Variants in CCDC7 observed in about 807,000 individuals in gnomAD.
The protein encoded by CCDC7 is coiled-coil domain-containing protein 7.
A neutral mutation model predicts 196.9 loss-of-function variants in CCDC7; 183 were observed. The observed-to-expected ratio is 0.93, with a 90% CI of 0.82 to 1.05. The LOEUF (loss-of-function observed/expected upper bound fraction) is 1.05. Among genes scored for constraint, CCDC7 ranks in the 50% least tolerant of loss-of-function variants. The pLI, the probability that CCDC7 is intolerant of heterozygous loss-of-function variation, is 0.00. For synonymous variants in CCDC7, 525 were observed against 484.6 expected, an observed-to-expected ratio of 1.08 and a Z score of -1.10; for missense variants, 1,540 against 1,482.2, an observed-to-expected ratio of 1.04 and a Z score of -0.64.
intron 24 of CCDC7, among the ~76,000 whole-genome samples, chr10:32,697,648 G>A (rs1229306915): frequency 6.6e-6 from 1 of 152,182 alleles, no homozygotes; most frequent in Non-Finnish European, 1.5e-5. Flanking sequence ...GCTGAGGCTT[G>A]ACTAGGTAAA....
At chr10:32,840,712 A>G (rs963784223) in intron 33 of CCDC7, among the ~76,000 whole-genome samples, 1 of 151,922 alleles carries the variant, frequency 6.6e-6, no homozygotes, top group Admixed American at 6.6e-5. Context: ...AAAGAAAACT[A>G]CAGACCAATA....
chr10:32,804,930 T>TAC lies in CCDC7; in HGVS notation c.3014-64_3014-63dup, dbSNP rs35054696. 2,219 of 630,904 alleles carry TAC rather than the reference T, an allele frequency of 3.5e-3. 15 individuals carry two copies. Among genetic ancestry groups the TAC allele is most frequent in the African/African-American group, 0.026 (1,433 of 54,146 alleles). 39.1% of individuals were successfully genotyped at this position (630,904 alleles called of 1,614,324 possible). A position where few individuals can be genotyped will look rare whatever the true frequency, so the allele number is the denominator to read the frequency against. ...TAATAACAAAGGCTGATTAATTTAA[T>TAC]ACACACACACACACACACACACCCC... On this transcript the variant is annotated intron_variant, in intron 29 of 41. Transcript: ENST00000639629.
At chr10:32,610,375 A>G (rs1258103473) in intron 18 of CCDC7, among the ~76,000 whole-genome samples, 16 of 152,146 alleles carry the variant, frequency 1.1e-4, no homozygotes. Context: ...AAGTGCTGGG[A>G]TTACAGGCGT....
chr10:32,544,350 CT>C (rs1448850706), intron 13 of CCDC7, 49 bp downstream of exon 14: 1 of 1,553,754 alleles, frequency 6.4e-7, no homozygotes, highest in East Asian at 2.3e-5. Context: ...AATACTTGCT[CT>C]GATAGTCATA....
At chr10:32,817,474 G>A (rs2088988328) in intron 31 of CCDC7, among the ~76,000 whole-genome samples, 1 of 152,076 alleles carries the variant, frequency 6.6e-6, no homozygotes. Flanking sequence ...TCAAATTCAG[G>A]AAATACAGAG....
At chr10:32,511,928 C>G in intron 9 of CCDC7, 1 of 583,550 alleles carries the variant, frequency 1.7e-6, no homozygotes, top group Non-Finnish European at 3.0e-6. Context: ...AATATAGAAA[C>G]TAGGATTTTA....
intron 28 of CCDC7, among the ~76,000 whole-genome samples, chr10:32,770,791 G>C (rs1285299722): frequency 6.6e-6 from 1 of 152,128 alleles, no homozygotes; most frequent in Non-Finnish European, 1.5e-5. Context: ...ATTTAGGATT[G>C]TAATATCTGC....
intron 41 of CCDC7, among the ~76,000 whole-genome samples, chr10:32,868,430 C>T (rs1480915553): frequency 3.3e-5 from 5 of 152,096 alleles, no homozygotes; most frequent in Middle Eastern, 3.4e-3. Context: ...CCTCAATTCT[C>T]ATATGGATCT....
intron 9 of CCDC7, among the ~76,000 whole-genome samples, chr10:32,504,191 C>T (rs1438791203): frequency 3.6e-5 from 5 of 139,578 alleles, no homozygotes; most frequent in African/African-American, 1.4e-4. Flanking sequence ...GATCTTGGCT[C>T]ACTGCAAGCT....
intron 20 of CCDC7, among the ~76,000 whole-genome samples, chr10:32,638,365 G>A (rs2066056198): frequency 6.6e-6 from 1 of 152,128 alleles, no homozygotes; most frequent in African/African-American, 2.4e-5. Context: ...TTGGCTGTGG[G>A]TTTGTCATAA....
chr10:32,784,207 A>C (rs2081458650), intron 29 of CCDC7, among the ~76,000 whole-genome samples: 1 of 152,144 alleles, frequency 6.6e-6, no homozygotes, highest in African/African-American at 2.4e-5. Flanking sequence ...TTACAAAAGA[A>C]ATTTTATTTT....
At chr10:32,465,214 CAGTT>C (rs58325479) in intron 5 of CCDC7, among the ~76,000 whole-genome samples, 6,429 of 151,756 alleles carry the variant, frequency 0.042, 450 homozygotes, top group African/African-American at 0.15. Context: ...TTAAGTAAAA[CAGTT>C]AGAGTTGTTA....
chr10:32,470,490 C>A (rs1216177321), intron 5 of CCDC7, among the ~76,000 whole-genome samples: 1 of 152,042 alleles, frequency 6.6e-6, no homozygotes, highest in Non-Finnish European at 1.5e-5. Flanking sequence ...TAATTATGGT[C>A]ATCTTATTCT....
intron 39 of CCDC7, among the ~76,000 whole-genome samples, chr10:32,849,427 C>A (rs1055232069): frequency 1.3e-5 from 2 of 151,632 alleles, no homozygotes; most frequent in African/African-American, 4.8e-5. Flanking sequence ...CAAGAGGGCC[C>A]GGCGCGGTGG....
At chr10:32,818,815 G>C (rs1221688070) in intron 31 of CCDC7, among the ~76,000 whole-genome samples, 1 of 152,110 alleles carries the variant, frequency 6.6e-6, no homozygotes, top group Non-Finnish European at 1.5e-5. Context: ...ATTCAAAGCA[G>C]TGTGTAGAGG....
intron 28 of CCDC7, among the ~76,000 whole-genome samples, chr10:32,771,251 T>A (rs558950391): frequency 6.8e-4 from 104 of 152,350 alleles, no homozygotes; most frequent in African/African-American, 2.2e-3. Flanking sequence ...ATATTTCTTA[T>A]AGGGCTGATT....
chr10:32,596,975 A>G (rs539557074), intron 18 of CCDC7, among the ~76,000 whole-genome samples: 4 of 152,070 alleles, frequency 2.6e-5, no homozygotes, highest in South Asian at 4.2e-4. Flanking sequence ...TTTCATTTCA[A>G]CGTTGGTGAA....
chr10:32,781,945 TAAACAAATTTAGC>T (rs1464504276), intron 29 of CCDC7, among the ~76,000 whole-genome samples: 9 of 152,150 alleles, frequency 5.9e-5, no homozygotes, highest in African/African-American at 1.9e-4. Flanking sequence ...TTAGATATAA[TAAACAAATTTAGC>T]AAAGTTGCAG....
At chr10:32,513,864 A>G (rs1210004597) in intron 9 of CCDC7, 2 of 152,228 alleles carry the variant, frequency 1.3e-5, no homozygotes, top group East Asian at 1.9e-4. Flanking sequence ...GATGAAGGCC[A>G]TCTACAAACC....
Sources: gnomAD v4.1 joint callset for allele counts (sites outside exome capture counted in the v4.1 genomes callset) on GRCh38, gnomAD v4.1.1 for gene constraint, MANE v1.5 for transcripts, NCBI Gene and HGNC (gene_info 2026-07-23, HGNC 2026-07-21) for gene names.